The following FGGY variants were observed in gnomAD, a reference collection of about 807,000 sequenced individuals.
FGGY encodes FGGY carbohydrate kinase domain containing.
Under a neutral mutation model 71.3 loss-of-function variants are expected in FGGY, and 72 were observed. That is an observed-to-expected ratio of 1.01 (90% CI 0.84 to 1.23). FGGY has a LOEUF of 1.23. FGGY is among the 50% of genes most tolerant of loss of function. The pLI is 0.00. For synonymous variants in FGGY, 251 were observed against 250.3 expected (o/e 1.00, Z -0.02); for missense variants, 668 against 682.3 (o/e 0.98, Z 0.23).
chr1:59,652,508 T>A (rs1232500269), intron 11 of FGGY, among the ~76,000 whole-genome samples: 10 of 144,826 alleles, frequency 6.9e-5, no homozygotes, highest in African/African-American at 2.6e-4. Flanking sequence ...TCATTTCATC[T>A]TCCATTGCTG....
At chr1:59,580,656 T>C (rs753451430) in intron 8 of FGGY, among the ~76,000 whole-genome samples, 28 of 152,296 alleles carry the variant, frequency 1.8e-4, no homozygotes, top group Non-Finnish European at 3.4e-4. Flanking sequence ...TCTCATGTTG[T>C]AGAATTGTAA....
At chr1:59,424,781 C>T (rs989077407) in intron 5 of FGGY, among the ~76,000 whole-genome samples, 2 of 152,104 alleles carry the variant, frequency 1.3e-5, no homozygotes, top group African/African-American at 4.8e-5. Context: ...GGATGGTAGG[C>T]ACCATTCAGT....
chr1:59,722,666 C>T (rs920780690), intron 14 of FGGY, among the ~76,000 whole-genome samples: 1 of 152,180 alleles, frequency 6.6e-6, no homozygotes, highest in Admixed American at 6.5e-5. Flanking sequence ...AATTGTGTGT[C>T]TTGTGAGGTT....
At chr1:59,493,655 A>G (rs888835398) in intron 6 of FGGY, among the ~76,000 whole-genome samples, 16 of 152,302 alleles carry the variant, frequency 1.1e-4, no homozygotes, top group African/African-American at 2.9e-4. Flanking sequence ...AGGAGAAGTT[A>G]GTGTTTAATG....
chr1:59,662,307 G>A (rs372612689), intron 12 of FGGY, among the ~76,000 whole-genome samples: 1,696 of 142,690 alleles, frequency 0.012, 22 homozygotes, highest in Middle Eastern at 0.021. Context: ...GTCACAGAGC[G>A]AGACTCCATC....
chr1:59,339,179 TTC>T (rs1255339019), intron 2 of FGGY, among the ~76,000 whole-genome samples: 4 of 152,204 alleles, frequency 2.6e-5, no homozygotes, highest in Admixed American at 2.6e-4. Flanking sequence ...AGACTTGGGT[TTC>T]ATCCTCAAGA....
intron 5 of FGGY, among the ~76,000 whole-genome samples, chr1:59,422,706 A>AG (rs2065668115): frequency 6.6e-6 from 1 of 152,092 alleles, no homozygotes; most frequent in Non-Finnish European, 1.5e-5. Context: ...GAAAAAAAAA[A>AG]AAAAGGTTAC....
At chr1:59,612,759 G>C (rs1425241455) in intron 9 of FGGY, among the ~76,000 whole-genome samples, 1 of 152,116 alleles carries the variant, frequency 6.6e-6, no homozygotes, top group African/African-American at 2.4e-5. Flanking sequence ...CCCATCTCAC[G>C]TGCGGAGACA....
chr1:59,330,139 CAAG>C (rs1054924081), intron 2 of FGGY, among the ~76,000 whole-genome samples: 16 of 152,084 alleles, frequency 1.1e-4, no homozygotes, highest in Non-Finnish European at 1.9e-4. Flanking sequence ...TTCTATAAAT[CAAG>C]AATAAAATAC....
In FGGY at chr1:59,655,451, C is replaced by T. The variant is rs187567299; in HGVS notation, c.1222-4768C>T. Among the ~76,000 whole-genome samples the T allele has an allele frequency of 1.5e-3, 230 of 151,948 alleles. 1 individual carries two copies. The highest frequency in any genetic ancestry group is 3.4e-3 in the Middle Eastern group (1 of 294). ...CTCCACCCCACCCCACCACAGGCCC[C>T]AGTGTGTGATGTTCCCCTCCCTGTG... On this transcript the variant is annotated intron_variant, in intron 11 of 15. Coordinates refer to ENST00000303721, the MANE Select transcript of FGGY (RefSeq NM_018291.5).
chr1:59,323,381 A>G (rs1042141709), intron 2 of FGGY, among the ~76,000 whole-genome samples: 7 of 152,204 alleles, frequency 4.6e-5, no homozygotes, highest in African/African-American at 1.2e-4. Context: ...GTCGATAGCA[A>G]TGCTATTGCA....
chr1:59,500,930 A>C (rs1055011747), intron 6 of FGGY, among the ~76,000 whole-genome samples: 2 of 152,152 alleles, frequency 1.3e-5, no homozygotes, highest in East Asian at 3.9e-4. Context: ...TCTGGTTGGG[A>C]AGTGAAAAAT....
intron 14 of FGGY, among the ~76,000 whole-genome samples, chr1:59,719,446 C>T (rs952379941): frequency 3.9e-5 from 6 of 152,210 alleles, no homozygotes; most frequent in Middle Eastern, 3.4e-3. Context: ...AAAAGGCCCA[C>T]ATTACTAGGT....
chr1:59,679,723 G>A (rs564147329), intron 14 of FGGY, among the ~76,000 whole-genome samples: 2 of 151,796 alleles, frequency 1.3e-5, no homozygotes, highest in African/African-American at 4.8e-5. Context: ...ATTATACAAT[G>A]CATAAAGTTT....
intron 5 of FGGY, among the ~76,000 whole-genome samples, chr1:59,385,469 G>C (rs1371404703): frequency 1.3e-5 from 2 of 152,132 alleles, no homozygotes; most frequent in African/African-American, 4.8e-5. Flanking sequence ...CTTACAGCAG[G>C]TGGTGTCATT....
At chr1:59,312,037 C>T (rs1304991530) in intron 1 of FGGY, among the ~76,000 whole-genome samples, 2 of 152,286 alleles carry the variant, frequency 1.3e-5, no homozygotes, top group African/African-American at 4.8e-5. Flanking sequence ...TTGTTGGCTG[C>T]GTAAATGGTC....
chr1:59,648,158 T>A lies in FGGY; in HGVS notation c.1221+9783T>A, dbSNP rs1003949587. On this transcript the variant is annotated intron_variant, in intron 11 of 15. Coordinates refer to ENST00000303721, the MANE Select transcript of FGGY (RefSeq NM_018291.5). ...TAATCGAGTCTATCATTGTTGGACA[T>A]TTGGGTTGGTTCCAAGTCTTTGCTA... Among the ~76,000 whole-genome samples the A allele has an allele frequency of 1.0e-3, 117 of 117,338 alleles. 4 individuals carry two copies. The South Asian group carries it at 0.031, about 31-fold the overall frequency. The allele number at this position is 117,338 out of a possible 152,430, so 77.0% of individuals were successfully genotyped here. A position where few individuals can be genotyped will look rare whatever the true frequency, so the allele number is the denominator to read the frequency against.
chr1:59,435,710 C>T (rs1304652638), intron 5 of FGGY, among the ~76,000 whole-genome samples: 1 of 151,288 alleles, frequency 6.6e-6, no homozygotes, highest in Non-Finnish European at 1.5e-5. Flanking sequence ...TTCTTCTTTG[C>T]CACTTGCTTA....
At chr1:59,590,812 A>G (rs537283740) in intron 8 of FGGY, among the ~76,000 whole-genome samples, 1 of 152,310 alleles carries the variant, frequency 6.6e-6, no homozygotes, top group African/African-American at 2.4e-5. Flanking sequence ...GCTATCTATG[A>G]CAAACCCACA....
Sources: gnomAD v4.1 joint callset for allele counts (sites outside exome capture counted in the v4.1 genomes callset) on GRCh38, gnomAD v4.1.1 for gene constraint, MANE v1.5 for transcripts, NCBI Gene and HGNC (gene_info 2026-07-23, HGNC 2026-07-21) for gene names.